CUX1: variants seen among roughly 807,000 people sequenced by gnomAD.
The protein encoded by CUX1 is protein CASP.
In CUX1, 31 loss-of-function variants were observed where a neutral mutation model predicts 158.8. The observed-to-expected ratio is 0.20, with a 90% confidence interval of 0.15 to 0.26. The LOEUF is 0.26. Among genes scored for constraint, CUX1 ranks in the 10% least tolerant of loss-of-function variants. CUX1 has a pLI of 1.00. For synonymous variants in CUX1, 879 were observed against 862.1 expected, an observed-to-expected ratio of 1.02 and a Z score of -0.34; for missense variants, 1,589 against 2,014.6, an observed-to-expected ratio of 0.79 and a Z score of 4.04.
At position 102,030,691 on chromosome 7, in the gene CUX1, G is replaced by GTTTTGTTTTT. The variant is rs1554459485; in HGVS notation, c.189+2550_189+2551insGTTTTTTTTT. On this transcript the variant is annotated intron_variant, in intron 3 of 23. Coordinates refer to ENST00000292535, the MANE Select transcript of CUX1 (RefSeq NM_181552.4). ...TATCTAATTTTCTATTTTAAAAAGTGTTTTTTTTTTTTGAGACAGGGTCTC... is the reference window on the plus strand; with the variant it reads ...TATCTAATTTTCTATTTTAAAAAGTGTTTTGTTTTTTTTTTTTTTTTTGAGACAGGGTCTC... Among the ~76,000 whole-genome samples, 38 of 119,412 alleles carry GTTTTGTTTTT rather than the reference G, an allele frequency of 3.2e-4. 1 individual carries two copies. The East Asian group carries it at 8.2e-3, about 26-fold the overall frequency. The allele number at this position is 119,412 out of a possible 152,430, so 78.3% of individuals were successfully genotyped here. A position where few individuals can be genotyped will look rare whatever the true frequency, so the allele number is the denominator to read the frequency against.
At chr7:102,150,153 T>C (rs1430548854) in intron 8 of CUX1, among the ~76,000 whole-genome samples, 1 of 152,116 alleles carries the variant, frequency 6.6e-6, no homozygotes, top group Non-Finnish European at 1.5e-5. Flanking sequence ...GTTTTCTTTG[T>C]TTTTTTGTTT....
chr7:102,215,023 C>T (rs1191010677), intron 20 of CUX1, among the ~76,000 whole-genome samples: 1 of 152,126 alleles, frequency 6.6e-6, no homozygotes, highest in African/African-American at 2.4e-5. Flanking sequence ...TTATGGATGC[C>T]TTAGCAGCAC....
Position 102,201,382 on chromosome 7 carries a change from C to T in CUX1, c.2085C>T (p.Ser695=), listed in dbSNP as rs1161228509. ...CAGCAGAGCCGGCCCAGCCTTCCTCCGCATCCGGCAGCGGGAACTCTGATG... is the reference window on the plus strand; with the variant it reads ...CAGCAGAGCCGGCCCAGCCTTCCTCTGCATCCGGCAGCGGGAACTCTGATG... ...QKTAEPAQPS[S]ASGSGNSDDA... Residue 695 remains serine, a synonymous_variant, in exon 18 of 24, where the codon TCC becomes TCT. Transcript: ENST00000292535. This position sits in a 1 kb window ranked among gnomAD's most constrained non-coding sequence, Gnocchi z 5.0. The T allele has an allele frequency of 5.6e-6, 9 of 1,613,574 alleles. No homozygotes were observed. Among genetic ancestry groups the T allele is most frequent in the Admixed American group, 3.3e-5 (2 of 59,992 alleles).
At chr7:102,178,805 G>C in intron 11 of CUX1, 148 bp downstream of exon 11, 1 of 802,148 alleles carries the variant, frequency 1.2e-6, no homozygotes, top group South Asian at 1.8e-5. Context: ...GCAGAGTCCC[G>C]GAGTCCATGG....
rs797033127 is a variant in CUX1, at chr7:102,255,532, T to C, written c.*6490T>C. 3 of 985,438 alleles carry C rather than the reference T, an allele frequency of 3.0e-6. No individual in the cohort carries two copies. The highest frequency in any genetic ancestry group is 3.5e-5 in the African/African-American group (2 of 57,362). 61.0% of individuals were successfully genotyped at this position (985,438 alleles called of 1,614,324 possible). A position where few individuals can be genotyped will look rare whatever the true frequency, so the allele number is the denominator to read the frequency against. ...TGAATCCTTTTAGTTTACCCGATAA[T>C]GTTAAGAAAGCATTAGTCTACGTTA... On this transcript the variant is annotated 3_prime_UTR_variant, in exon 24 of 24. Transcript: ENST00000292535.
chr7:101,948,675 G>A (rs1483687132), intron 2 of CUX1, among the ~76,000 whole-genome samples: 1 of 152,204 alleles, frequency 6.6e-6, no homozygotes, highest in Non-Finnish European at 1.5e-5. Flanking sequence ...GCTCTGCTGG[G>A]GGGGCATCAC....
intron 2 of CUX1, among the ~76,000 whole-genome samples, chr7:101,997,590 C>T (rs536607961): frequency 5.3e-5 from 8 of 152,174 alleles, no homozygotes; most frequent in Admixed American, 4.6e-4. Flanking sequence ...ATGATCCTCC[C>T]GCCTCAGCCT....
At chr7:102,145,888 G>C (rs1045400845) in intron 8 of CUX1, among the ~76,000 whole-genome samples, 1 of 152,086 alleles carries the variant, frequency 6.6e-6, no homozygotes, top group African/African-American at 2.4e-5. Flanking sequence ...CAGAGGTTGC[G>C]GTGAGTCGAG....
At chr7:102,015,644 T>C (rs892765194) in intron 2 of CUX1, among the ~76,000 whole-genome samples, 4 of 152,208 alleles carry the variant, frequency 2.6e-5, no homozygotes, top group Non-Finnish European at 5.9e-5. Flanking sequence ...CAAATGCTTA[T>C]ATGTGTGTGA....
At chr7:102,157,811 G>A (rs530549474) in intron 8 of CUX1, among the ~76,000 whole-genome samples, 52 of 152,228 alleles carry the variant, frequency 3.4e-4, no homozygotes, top group African/African-American at 1.2e-3. Context: ...AGCACTCTCC[G>A]CATTCCTCTC....
intron 1 of CUX1, among the ~76,000 whole-genome samples, chr7:101,909,050 G>C: frequency 6.6e-6 from 1 of 152,060 alleles, no homozygotes; most frequent in East Asian, 1.9e-4. Context: ...GTCCAGTCAG[G>C]TTTGGGAGGC....
chr7:101,842,025 C>T (rs1795237299), intron 1 of CUX1, among the ~76,000 whole-genome samples: 1 of 151,800 alleles, frequency 6.6e-6, no homozygotes, highest in Admixed American at 6.6e-5. Flanking sequence ...TTGTAATTTC[C>T]CTTATAATTT....
chr7:101,928,375 CTT>C (rs527554881), intron 2 of CUX1, among the ~76,000 whole-genome samples: 4 of 134,784 alleles, frequency 3.0e-5, no homozygotes, highest in Admixed American at 7.6e-5. Context: ...TTTCTTTTTT[CTT>C]TTTTTTTTTT....
intron 2 of CUX1, among the ~76,000 whole-genome samples, chr7:101,995,479 CCTT>C (rs1439562279): frequency 1.3e-5 from 2 of 152,220 alleles, no homozygotes; most frequent in African/African-American, 4.8e-5. Flanking sequence ...GATTCAATGA[CCTT>C]CATCAAATGT....
chr7:101,978,695 G>A lies in CUX1; in HGVS notation c.142-49403G>A, dbSNP rs746479959. Among the ~76,000 whole-genome samples, 81 of 152,108 alleles carry A rather than the reference G, an allele frequency of 5.3e-4. 1 individual carries two copies. The highest frequency in any genetic ancestry group is 1.1e-3 in the Non-Finnish European group (72 of 68,026). ...GCTGGGCCACGGCCCCTCTAGCCCC[G>A]GTCTTCACCCTTGAACCTGCCTAGC... is the stretch of plus-strand genomic sequence containing the variant. On this transcript the variant is annotated intron_variant, in intron 2 of 23. Transcript: ENST00000292535.
At chr7:101,860,778 TTCCTTCCC>T (rs1562938939) in intron 1 of CUX1, among the ~76,000 whole-genome samples, 4 of 132,010 alleles carry the variant, frequency 3.0e-5, no homozygotes, top group East Asian at 2.2e-4. Flanking sequence ...CCTTCCTTCC[TTCCTTCCC>T]TCCTTCCCCT....
chr7:102,032,507 A>G (rs1820911418), intron 3 of CUX1, among the ~76,000 whole-genome samples: 1 of 151,940 alleles, frequency 6.6e-6, no homozygotes, highest in Non-Finnish European at 1.5e-5. Context: ...CTAATAGACT[A>G]AACATACAAA....
chr7:102,008,475 G>A (rs998125367), intron 2 of CUX1, among the ~76,000 whole-genome samples: 5 of 151,886 alleles, frequency 3.3e-5, no homozygotes, highest in East Asian at 1.9e-4. Flanking sequence ...CCTGTCTTTC[G>A]GCACATTTCA....
chr7:102,187,421 C>G (rs1393509603), intron 11 of CUX1, among the ~76,000 whole-genome samples: 1 of 152,036 alleles, frequency 6.6e-6, no homozygotes, highest in Non-Finnish European at 1.5e-5. Flanking sequence ...TTGTGCAAAC[C>G]CTTGAGTAAT....
Sources: allele counts gnomAD v4.1 joint callset (sites outside exome capture counted in the v4.1 genomes callset), GRCh38; gene constraint gnomAD v4.1.1; non-coding constraint Gnocchi (gnomAD v3.1); transcripts MANE v1.5; gene names NCBI Gene and HGNC (gene_info 2026-07-23, HGNC 2026-07-21).